Variants in CNTNAP5 observed in about 807,000 individuals in gnomAD.
CNTNAP5 encodes contactin-associated protein-like 5.
CNTNAP5 carries 72 observed loss-of-function variants against 150.2 expected under a neutral mutation model. The ratio of observed to expected loss-of-function variants is 0.48; its 90% CI spans 0.40 to 0.58. CNTNAP5 has a LOEUF of 0.58. CNTNAP5 is among the 20% of genes least tolerant of loss of function. The pLI is 0.00. For missense variants in CNTNAP5, 1,636 were observed against 1,626.2 expected (o/e 1.01, Z -0.10); for synonymous variants, 672 against 619.8 (o/e 1.08, Z -1.25).
chr2:124,763,813 C>A lies in CNTNAP5; in HGVS notation c.2362+14C>A, dbSNP rs369310119. 15 of 1,612,438 alleles carry A rather than the reference C, an allele frequency of 9.3e-6. No homozygotes were observed. Among genetic ancestry groups the A allele is most frequent in the Non-Finnish European group, 1.3e-5 (15 of 1,179,238 alleles). On this transcript the variant is annotated intron_variant, in intron 15 of 23. Transcript: ENST00000682447. ...GCTATGGTGACCGTGAGTACAAAAT[C>A]GAAAGAAGCTTTCTCTCTGCATTAC...
intron 7 of CNTNAP5, among the ~76,000 whole-genome samples, chr2:124,479,395 C>T (rs888458993): frequency 1.3e-5 from 2 of 152,178 alleles, no homozygotes; most frequent in Non-Finnish European, 1.5e-5. Context: ...TCCCTGGGAG[C>T]TGGCTGAAGT....
intron 7 of CNTNAP5, among the ~76,000 whole-genome samples, chr2:124,487,563 G>A (rs1693915057): frequency 6.6e-6 from 1 of 151,938 alleles, no homozygotes; most frequent in African/African-American, 2.4e-5. Flanking sequence ...AGCTTCCCAA[G>A]GTAAATGGAA....
At chr2:124,117,041 A>AC (rs1683444837) in intron 1 of CNTNAP5, among the ~76,000 whole-genome samples, 2 of 152,228 alleles carry the variant, frequency 1.3e-5, no homozygotes, top group South Asian at 4.1e-4. Flanking sequence ...GCACTGAAAC[A>AC]CTCTCCTATC....
At chr2:124,255,584 TAATA>T (rs1558821623) in intron 3 of CNTNAP5, among the ~76,000 whole-genome samples, 4 of 59,040 alleles carry the variant, frequency 6.8e-5, no homozygotes, top group Admixed American at 2.0e-4. Flanking sequence ...TAAAATAAAA[TAATA>T]ATTTTTTTTT....
intron 13 of CNTNAP5, among the ~76,000 whole-genome samples, chr2:124,686,616 C>T (rs1355685589): frequency 6.6e-6 from 1 of 152,104 alleles, no homozygotes; most frequent in African/African-American, 2.4e-5. Flanking sequence ...ACATTCCAAT[C>T]CCAGCTGCCA....
chr2:124,506,118 G>A (rs181420396), intron 8 of CNTNAP5, among the ~76,000 whole-genome samples: 197 of 151,528 alleles, frequency 1.3e-3, no homozygotes, highest in Admixed American at 2.8e-3. Context: ...ATTGCAACCT[G>A]GGAATATAGA....
chr2:124,879,932 G>A (rs1365193525), intron 21 of CNTNAP5, among the ~76,000 whole-genome samples: 1 of 152,060 alleles, frequency 6.6e-6, no homozygotes, highest in African/African-American at 2.4e-5. Flanking sequence ...CCCCTCTGAA[G>A]CTTGGTGAGA....
intron 11 of CNTNAP5, among the ~76,000 whole-genome samples, chr2:124,587,910 ATATAGAGACT>A (rs1365089537): frequency 6.6e-6 from 1 of 152,196 alleles, no homozygotes; most frequent in East Asian, 1.9e-4. Context: ...GAAGAAATAT[ATATAGAGACT>A]TAGGGTTCTG....
intron 3 of CNTNAP5, 89 bp from the exon 4 acceptor site, chr2:124,417,354 C>A: frequency 7.5e-7 from 1 of 1,340,172 alleles, no homozygotes; most frequent in Admixed American, 2.0e-5. Flanking sequence ...GGTATGTTCT[C>A]AGTACGAGTT....
intron 1 of CNTNAP5, among the ~76,000 whole-genome samples, chr2:124,207,376 C>A (rs1685889019): frequency 6.6e-6 from 1 of 152,168 alleles, no homozygotes; most frequent in Non-Finnish European, 1.5e-5. Flanking sequence ...CTAAACTTAA[C>A]CTTGTTCAGG....
chr2:124,771,308 C>T lies in CNTNAP5; in HGVS notation c.2534-1491C>T, dbSNP rs572087662. Among the ~76,000 whole-genome samples, 5 of 152,218 alleles carry T rather than the reference C, an allele frequency of 3.3e-5. No individual in the cohort carries two copies. The East Asian group carries it at 9.7e-4, about 29-fold the overall frequency. On this transcript the variant is annotated intron_variant, in intron 16 of 23. Transcript: ENST00000682447. ...TAGCATATGAAAGTTCCAGTCCTCT[C>T]CTCATCCTCAATTTGTAAATTACAA...
At chr2:124,786,750 C>T (rs1406249172) in intron 17 of CNTNAP5, among the ~76,000 whole-genome samples, 1 of 152,032 alleles carries the variant, frequency 6.6e-6, no homozygotes, top group Non-Finnish European at 1.5e-5. Context: ...TTACTGTTGC[C>T]TTTCTGTTTC....
chr2:124,493,915 T>G (rs1476572778), intron 7 of CNTNAP5, among the ~76,000 whole-genome samples: 1 of 151,200 alleles, frequency 6.6e-6, no homozygotes, highest in Non-Finnish European at 1.5e-5. Flanking sequence ...GGAAAGTTGT[T>G]TTGTTTGTGG....
intron 8 of CNTNAP5, among the ~76,000 whole-genome samples, chr2:124,505,874 C>A (rs1694394466): frequency 6.6e-6 from 1 of 152,198 alleles, no homozygotes; most frequent in Non-Finnish European, 1.5e-5. Flanking sequence ...AATAAACAAT[C>A]TGAATAAAAA....
intron 16 of CNTNAP5, among the ~76,000 whole-genome samples, chr2:124,769,389 A>G (rs1681141973): frequency 6.6e-6 from 1 of 152,146 alleles, no homozygotes; most frequent in Non-Finnish European, 1.5e-5. Flanking sequence ...GGCTTGAAAA[A>G]AAAATGCCCT....
At chr2:124,809,767 A>G (rs1452381214) in intron 19 of CNTNAP5, among the ~76,000 whole-genome samples, 1 of 152,208 alleles carries the variant, frequency 6.6e-6, no homozygotes, top group Non-Finnish European at 1.5e-5. Flanking sequence ...GTAATGTCCA[A>G]TATCTAATAG....
intron 1 of CNTNAP5, among the ~76,000 whole-genome samples, chr2:124,160,422 T>G (rs752069411): frequency 2.0e-5 from 3 of 151,446 alleles, no homozygotes; most frequent in Non-Finnish European, 4.4e-5. Context: ...ATTAAGGTGA[T>G]CAGATCAACA....
chr2:124,185,902 C>A (rs1031377052), intron 1 of CNTNAP5, among the ~76,000 whole-genome samples: 8 of 152,196 alleles, frequency 5.3e-5, no homozygotes, highest in African/African-American at 1.9e-4. Context: ...AACTAATGAG[C>A]AGTTGCTTTA....
chr2:124,645,878 C>A (rs545806524), intron 12 of CNTNAP5, among the ~76,000 whole-genome samples: 47 of 152,182 alleles, frequency 3.1e-4, no homozygotes, highest in African/African-American at 1.1e-3. Context: ...GAAGAGGGAG[C>A]AGGCAGTTCA....
Sources: gnomAD v4.1 joint callset for allele counts (sites outside exome capture counted in the v4.1 genomes callset) on GRCh38, gnomAD v4.1.1 for gene constraint, MANE v1.5 for transcripts, NCBI Gene and HGNC (gene_info 2026-07-23, HGNC 2026-07-21) for gene names.